The following TRAPPC9 variants were observed in gnomAD, a reference collection of about 807,000 sequenced individuals.
TRAPPC9 encodes the protein trafficking protein particle complex subunit 9.
In TRAPPC9, 83 loss-of-function variants were observed where a neutral mutation model predicts 124.0. The ratio of observed to expected loss-of-function variants is 0.67; its 90% CI spans 0.56 to 0.80. The LOEUF (loss-of-function observed/expected upper bound fraction) is 0.80. Among genes scored for constraint, TRAPPC9 ranks in the 30% least tolerant of loss-of-function variants. The pLI is 0.00. For synonymous variants in TRAPPC9, 638 were observed against 617.5 expected, an observed-to-expected ratio of 1.03 and a Z score of -0.49; for missense variants, 1,302 against 1,508.3, an observed-to-expected ratio of 0.86 and a Z score of 2.27.
chr8:139,774,394 G>A (rs952838407), intron 21 of TRAPPC9, among the ~76,000 whole-genome samples: 14 of 152,160 alleles, frequency 9.2e-5, no homozygotes, highest in African/African-American at 3.1e-4. Flanking sequence ...GCGTGTGTCT[G>A]CACGGGTGCG....
At chr8:139,765,354 G>A (rs1190853389) in intron 21 of TRAPPC9, among the ~76,000 whole-genome samples, 1 of 152,234 alleles carries the variant, frequency 6.6e-6, no homozygotes, top group East Asian at 1.9e-4. Context: ...TGACGCCCTC[G>A]AGGGACAGCA....
At chr8:139,823,063 C>T (rs1260540658) in intron 21 of TRAPPC9, among the ~76,000 whole-genome samples, 1 of 152,178 alleles carries the variant, frequency 6.6e-6, no homozygotes, top group Non-Finnish European at 1.5e-5. Context: ...ACTCAGGCCC[C>T]ATCCTCATCC....
chr8:139,988,696 C>T (rs565194884), intron 19 of TRAPPC9, 30 bp downstream of exon 19: 17 of 1,457,374 alleles, frequency 1.2e-5, no homozygotes, highest in Admixed American at 2.0e-5. Context: ...GGGTGGCCTG[C>T]GGCGGCGCGA....
chr8:139,822,621 T>C (rs911252606), intron 21 of TRAPPC9, among the ~76,000 whole-genome samples: 4 of 145,908 alleles, frequency 2.7e-5, no homozygotes, highest in African/African-American at 9.9e-5. Context: ...AGCCGTAGGA[T>C]GGCGGGGGGG....
chr8:140,033,308 T>C (rs1382384861), intron 17 of TRAPPC9, among the ~76,000 whole-genome samples: 1 of 152,226 alleles, frequency 6.6e-6, no homozygotes, highest in African/African-American at 2.4e-5. Context: ...CAAAAGCTAA[T>C]GCAATTCAAT....
intron 17 of TRAPPC9, among the ~76,000 whole-genome samples, chr8:140,210,809 T>G (rs927128166): frequency 6.6e-6 from 1 of 152,216 alleles, no homozygotes; most frequent in African/African-American, 2.4e-5. Context: ...AAGCATGTCT[T>G]ATGCAAGCCT....
At chr8:139,842,126 G>A (rs1021544034) in intron 21 of TRAPPC9, among the ~76,000 whole-genome samples, 2 of 152,192 alleles carry the variant, frequency 1.3e-5, no homozygotes, top group Non-Finnish European at 2.9e-5. Flanking sequence ...CTGGACTTTT[G>A]GCCACTGGTC....
intron 17 of TRAPPC9, among the ~76,000 whole-genome samples, chr8:140,159,988 T>G (rs1016415627): frequency 6.6e-6 from 1 of 152,080 alleles, no homozygotes; most frequent in African/African-American, 2.4e-5. Context: ...AGTGGGCAAA[T>G]GATATAAACA....
intron 11 of TRAPPC9, among the ~76,000 whole-genome samples, chr8:140,298,053 G>A (rs996014177): frequency 6.6e-6 from 1 of 152,148 alleles, no homozygotes; most frequent in African/African-American, 2.4e-5. Context: ...TTCCTCATCT[G>A]TAAAAGGGAG....
At position 140,042,205 on chromosome 8, in the gene TRAPPC9, A is replaced by G. The variant is rs372629758; in HGVS notation, c.2557-18126T>C. 4.6e-3 allele frequency among the ~76,000 whole-genome samples: 695 copies of G among 149,608 alleles called. 6 individuals carry two copies. The highest frequency in any genetic ancestry group is 0.016 in the African/African-American group (666 of 40,546). Reference sequence around the variant, plus strand: ...TCTGCAACTTAGCCCAAAAAAGTGTATGTGTGTGTGTGTGTGTGTGTGTGT... The same window carrying G: ...TCTGCAACTTAGCCCAAAAAAGTGTGTGTGTGTGTGTGTGTGTGTGTGTGT... On this transcript the variant is annotated intron_variant, in intron 17 of 22. Coordinates refer to ENST00000438773, the MANE Select transcript of TRAPPC9 (RefSeq NM_001160372.4).
At chr8:140,244,643 A>G (rs73714819) in intron 16 of TRAPPC9, among the ~76,000 whole-genome samples, 9,499 of 152,210 alleles carry the variant, frequency 0.062, 527 homozygotes, top group African/African-American at 0.15. Context: ...GTGCTCAAAC[A>G]TGTCCCTCAG....
chr8:140,300,376 T>C, intron 11 of TRAPPC9, 93 bp downstream of exon 11: 3 of 1,551,678 alleles, frequency 1.9e-6, no homozygotes, highest in Non-Finnish European at 1.8e-6. Flanking sequence ...TGCACATGCA[T>C]GAACTGGCTC....
chr8:139,857,498 C>G (rs918012471), intron 21 of TRAPPC9, among the ~76,000 whole-genome samples: 2 of 152,158 alleles, frequency 1.3e-5, no homozygotes, highest in Non-Finnish European at 2.9e-5. Context: ...GCAACGTGGA[C>G]CCCAGTCCAG....
At chr8:140,194,796 A>G (rs1354612578) in intron 17 of TRAPPC9, among the ~76,000 whole-genome samples, 3 of 152,180 alleles carry the variant, frequency 2.0e-5, no homozygotes, top group Non-Finnish European at 2.9e-5. Context: ...CACCTGTGAC[A>G]CTAAAACACA....
At chr8:140,000,277 C>A (rs994009825) in intron 18 of TRAPPC9, among the ~76,000 whole-genome samples, 3 of 152,084 alleles carry the variant, frequency 2.0e-5, no homozygotes, top group African/African-American at 7.3e-5. Context: ...ACCATAAAAA[C>A]CCTAGAAGAA....
chr8:140,115,636 T>A (rs567084177), intron 17 of TRAPPC9, among the ~76,000 whole-genome samples: 1 of 151,882 alleles, frequency 6.6e-6, no homozygotes, highest in African/African-American at 2.4e-5. Context: ...GTTGCCTGAA[T>A]CTAAGGATGT....
chr8:140,271,668 A>G (rs1193286527), intron 15 of TRAPPC9, among the ~76,000 whole-genome samples: 1 of 152,220 alleles, frequency 6.6e-6, no homozygotes, highest in Non-Finnish European at 1.5e-5. Flanking sequence ...CATCGGGGAA[A>G]AGCAAATTGA....
At chr8:139,968,167 CA>C (rs1457100732) in intron 19 of TRAPPC9, among the ~76,000 whole-genome samples, 1 of 151,256 alleles carries the variant, frequency 6.6e-6, no homozygotes, top group Non-Finnish European at 1.5e-5. Context: ...AACCAAAAAA[CA>C]AAACAAAATA....
At chr8:140,258,073 C>A (rs1007733570) in intron 15 of TRAPPC9, among the ~76,000 whole-genome samples, 1 of 152,212 alleles carries the variant, frequency 6.6e-6, no homozygotes, top group Admixed American at 6.5e-5. Flanking sequence ...ACAGAGGAGG[C>A]AGAAATTAGG....
Sources: gnomAD v4.1 joint callset for allele counts (sites outside exome capture counted in the v4.1 genomes callset) on GRCh38, gnomAD v4.1.1 for gene constraint, MANE v1.5 for transcripts, NCBI Gene and HGNC (gene_info 2026-07-23, HGNC 2026-07-21) for gene names.